Variants in RGS7 observed in about 807,000 individuals in gnomAD.
RGS7 encodes the protein regulator of G-protein signaling 7.
In RGS7, 27 loss-of-function variants were observed where a neutral mutation model predicts 81.1. The ratio of observed to expected loss-of-function variants is 0.33; its 90% CI spans 0.25 to 0.46. RGS7 has a LOEUF of 0.46. Among genes scored for constraint, RGS7 ranks in the 20% least tolerant of loss-of-function variants. The pLI is 1.00. For missense variants in RGS7, 396 were observed against 607.4 expected, an observed-to-expected ratio of 0.65 and a Z score of 3.66; for synonymous variants, 208 against 207.7, an observed-to-expected ratio of 1.00 and a Z score of -0.01.
chr1:240,886,310 A>G (rs1304466179), intron 6 of RGS7, among the ~76,000 whole-genome samples: 3 of 152,202 alleles, frequency 2.0e-5, no homozygotes, highest in Non-Finnish European at 4.4e-5. Flanking sequence ...ATGACACCCA[A>G]TGGATAAGCC....
chr1:240,904,300 T>C lies in RGS7; in HGVS notation c.385+26417A>G, dbSNP rs1670480094. Reference sequence around the variant, plus strand: ...CCAGAAAAGATCAGGACGGGAGTGTTACAAAGCTTTGACATTTCTTAAAGT... The same window carrying C: ...CCAGAAAAGATCAGGACGGGAGTGTCACAAAGCTTTGACATTTCTTAAAGT... On this transcript the variant is annotated intron_variant, in intron 6 of 18. Coordinates refer to ENST00000440928, the MANE Select transcript of RGS7 (RefSeq NM_001364886.1). 2.0e-5 allele frequency among the ~76,000 whole-genome samples: 3 copies of C among 152,318 alleles called. No individual in the cohort carries two copies. In the South Asian group the frequency reaches 6.2e-4, roughly 32 times the overall value.
chr1:240,853,271 G>A (rs988909286), intron 9 of RGS7, among the ~76,000 whole-genome samples: 1 of 152,080 alleles, frequency 6.6e-6, no homozygotes, highest in Admixed American at 6.5e-5. Flanking sequence ...TATCAGAAAC[G>A]ACTACAGGGG....
At chr1:241,150,138 C>T (rs1482176160) in intron 2 of RGS7, among the ~76,000 whole-genome samples, 3 of 151,960 alleles carry the variant, frequency 2.0e-5, no homozygotes, top group Non-Finnish European at 2.9e-5. Flanking sequence ...CTGGCTGCAA[C>T]GTATTTGAGC....
chr1:241,049,717 A>G (rs1031380567), intron 3 of RGS7, among the ~76,000 whole-genome samples: 1 of 152,196 alleles, frequency 6.6e-6, no homozygotes, highest in Admixed American at 6.5e-5. Context: ...GCAAGGAAAG[A>G]TGGAATTTGG....
intron 3 of RGS7, among the ~76,000 whole-genome samples, chr1:240,995,422 G>A (rs555463305): frequency 3.0e-4 from 45 of 152,166 alleles, no homozygotes; most frequent in Non-Finnish European, 5.9e-4. Flanking sequence ...TTTTTTTAAA[G>A]TCTGGTAGAC....
intron 2 of RGS7, among the ~76,000 whole-genome samples, chr1:241,137,639 T>C (rs765572628): frequency 2.0e-5 from 3 of 152,192 alleles, no homozygotes; most frequent in Non-Finnish European, 4.4e-5. Context: ...GTGCTGGAGC[T>C]GGCACACACC....
chr1:241,198,735 G>A (rs543747792), intron 2 of RGS7, among the ~76,000 whole-genome samples: 2 of 152,016 alleles, frequency 1.3e-5, no homozygotes, highest in Non-Finnish European at 2.9e-5. Context: ...GTTGTTACTG[G>A]TAAATTTTAC....
At chr1:241,112,205 A>T (rs2065562186) in intron 2 of RGS7, among the ~76,000 whole-genome samples, 3 of 152,120 alleles carry the variant, frequency 2.0e-5, no homozygotes, top group African/African-American at 7.2e-5. Context: ...AAAAATATAT[A>T]TTTTTAATGA....
intron 6 of RGS7, among the ~76,000 whole-genome samples, chr1:240,886,254 G>A (rs967604711): frequency 1.3e-5 from 2 of 152,138 alleles, no homozygotes; most frequent in African/African-American, 2.4e-5. Context: ...CAGGTTCTGA[G>A]AGTTTGCACC....
chr1:240,922,849 C>T (rs1413608019), intron 6 of RGS7, among the ~76,000 whole-genome samples: 1 of 151,986 alleles, frequency 6.6e-6, no homozygotes, highest in African/African-American at 2.4e-5. Flanking sequence ...GATCCACTTT[C>T]CTAGGTATTT....
intron 10 of RGS7, among the ~76,000 whole-genome samples, chr1:240,821,379 G>C (rs927042244): frequency 6.6e-6 from 1 of 152,164 alleles, no homozygotes; most frequent in Non-Finnish European, 1.5e-5. Context: ...TTGAACCTGC[G>C]AGGCAGAGGC....
At chr1:240,995,499 T>C (rs796241670) in intron 3 of RGS7, among the ~76,000 whole-genome samples, 8 of 152,340 alleles carry the variant, frequency 5.3e-5, no homozygotes, top group African/African-American at 1.9e-4. Context: ...AATTTAATTT[T>C]CTTAATAGTC....
chr1:240,884,715 G>A (rs1667049518), intron 6 of RGS7, among the ~76,000 whole-genome samples: 1 of 152,172 alleles, frequency 6.6e-6, no homozygotes, highest in Admixed American at 6.5e-5. Context: ...GCAGAAGATT[G>A]AAGCTAGATC....
At chr1:240,957,580 G>A (rs1680651185) in intron 4 of RGS7, among the ~76,000 whole-genome samples, 1 of 152,174 alleles carries the variant, frequency 6.6e-6, no homozygotes, top group Non-Finnish European at 1.5e-5. Context: ...TGATGTCTTG[G>A]ATGGAACCCT....
At chr1:240,910,669 T>C (rs917210347) in intron 6 of RGS7, among the ~76,000 whole-genome samples, 19 of 152,230 alleles carry the variant, frequency 1.2e-4, no homozygotes, top group Admixed American at 9.8e-4. Context: ...GTATATTATA[T>C]GTATTGCAAC....
chr1:241,068,962 TC>T lies in RGS7; in HGVS notation c.175+29703del, dbSNP rs374757181. On this transcript the variant is annotated intron_variant, in intron 3 of 18. Coordinates refer to ENST00000440928, the MANE Select transcript of RGS7 (RefSeq NM_001364886.1). ...TGTTTGTTTAAAAGTGTGTAGCACC[TC>T]CCCCTCCTCTTGCTCCTGCTTTTCA... Among the ~76,000 whole-genome samples the T allele has an allele frequency of 3.1e-4, 47 of 152,204 alleles. No homozygotes were observed. The East Asian group carries it at 5.6e-3, about 18-fold the overall frequency.
intron 3 of RGS7, among the ~76,000 whole-genome samples, chr1:240,985,041 CA>C (rs1685448933): frequency 6.6e-6 from 1 of 152,158 alleles, no homozygotes; most frequent in Non-Finnish European, 1.5e-5. Flanking sequence ...CTCTAAGGGT[CA>C]AATGGAAAGG....
chr1:240,784,855 C>T (rs1684806004), intron 18 of RGS7, among the ~76,000 whole-genome samples: 1 of 151,872 alleles, frequency 6.6e-6, no homozygotes, highest in South Asian at 2.1e-4. Flanking sequence ...CTTATCGTTG[C>T]CCTTCCACTG....
At chr1:241,063,067 T>A (rs757940257) in intron 3 of RGS7, among the ~76,000 whole-genome samples, 3 of 152,208 alleles carry the variant, frequency 2.0e-5, no homozygotes, top group Admixed American at 6.5e-5. Context: ...TGGATAGTAA[T>A]TCAAAGTAGC....
Sources: allele counts gnomAD v4.1 joint callset (sites outside exome capture counted in the v4.1 genomes callset), GRCh38; gene constraint gnomAD v4.1.1; transcripts MANE v1.5; gene names NCBI Gene and HGNC (gene_info 2026-07-23, HGNC 2026-07-21).